The following UGT1A8 variants were observed in gnomAD, a reference collection of about 807,000 sequenced individuals.
The protein encoded by UGT1A8 is UDP glucuronosyltransferase family 1 member A8, also known as UDP-glucuronosyltransferase 1A8.
A neutral mutation model predicts 45.3 loss-of-function variants in UGT1A8; 39 were observed. That is an observed-to-expected ratio of 0.86 (90% confidence interval 0.67 to 1.12). The LOEUF is 1.12. UGT1A8 is among the 50% of genes most tolerant of loss of function. The pLI, the probability that UGT1A8 is intolerant of heterozygous loss-of-function variation, is 0.00. For missense variants in UGT1A8, 719 were observed against 664.9 expected (o/e 1.08, Z -0.90); for synonymous variants, 275 against 249.2 (o/e 1.10, Z -0.97).
intron 1 of UGT1A8, among the ~76,000 whole-genome samples, chr2:233,761,829 G>C (rs1171169931): frequency 6.6e-6 from 1 of 152,178 alleles, no homozygotes; most frequent in Non-Finnish European, 1.5e-5. Context: ...CCTTCAGATG[G>C]AGCGTTAGGG....
intron 1 of UGT1A8, chr2:233,752,519 T>C (rs1480791131): frequency 6.6e-6 from 1 of 152,208 alleles, no homozygotes; most frequent in East Asian, 1.9e-4. Context: ...ATTTTTCAAT[T>C]CTAAAAATTC....
intron 1 of UGT1A8, among the ~76,000 whole-genome samples, chr2:233,687,294 AG>A (rs1476056619): frequency 6.6e-6 from 1 of 152,206 alleles, no homozygotes; most frequent in African/African-American, 2.4e-5. Context: ...CAACATGGTG[AG>A]ATATCAATGT....
chr2:233,725,118 G>C (rs1450437592), intron 1 of UGT1A8, among the ~76,000 whole-genome samples: 1 of 140,180 alleles, frequency 7.1e-6, no homozygotes, highest in Non-Finnish European at 1.5e-5. Context: ...GGAGGTTGCA[G>C]TGAGCCGAGA....
chr2:233,660,386 T>C (rs751395692), intron 1 of UGT1A8, among the ~76,000 whole-genome samples: 2 of 152,194 alleles, frequency 1.3e-5, no homozygotes, highest in African/African-American at 2.4e-5. Context: ...TCCTTTTGTG[T>C]TGAATTCATG....
At chr2:233,756,915 T>C (rs571435889) in intron 1 of UGT1A8, among the ~76,000 whole-genome samples, 1 of 152,112 alleles carries the variant, frequency 6.6e-6, no homozygotes, top group East Asian at 1.9e-4. Context: ...ACTTCTGAGT[T>C]TATATAACCT....
At position 233,772,978 on chromosome 2, in the gene UGT1A8, T is replaced by C. The variant is rs34942353; in HGVS notation, c.*419T>C. On this transcript the variant is annotated 3_prime_UTR_variant, in exon 5 of 5. Coordinates refer to ENST00000373450, the MANE Select transcript of UGT1A8 (RefSeq NM_019076.5). ...GTTGCAATTGATCCTTAACCAATAATGGTCAGTCCTCATCTCTGTCGTGCT... is the reference window on the plus strand; with the variant it reads ...GTTGCAATTGATCCTTAACCAATAACGGTCAGTCCTCATCTCTGTCGTGCT... 9.7e-5 allele frequency: 29 copies of C among 299,424 alleles called. No homozygotes were observed. The East Asian group carries it at 2.0e-3, about 21-fold the overall frequency. 18.5% of individuals were successfully genotyped at this position (299,424 alleles called of 1,614,324 possible).
intron 1 of UGT1A8, among the ~76,000 whole-genome samples, chr2:233,715,831 T>C (rs1175914174): frequency 1.3e-5 from 2 of 152,160 alleles, no homozygotes; most frequent in African/African-American, 4.8e-5. Context: ...AAAACATTTT[T>C]TTAAAACTCC....
chr2:233,729,525 T>C (rs763371606), intron 1 of UGT1A8: 3 of 1,614,216 alleles, frequency 1.9e-6, no homozygotes, highest in Non-Finnish European at 2.5e-6. Context: ...AGCTACTACA[T>C]AATGAGGCCC....
At chr2:233,690,685 G>A (rs760063871) in intron 1 of UGT1A8, 25 of 1,255,756 alleles carry the variant, frequency 2.0e-5, no homozygotes, top group South Asian at 1.8e-4. Context: ...GGTCTCCAGC[G>A]GAGCTACTCT....
intron 1 of UGT1A8, chr2:233,718,893 T>C (rs1280624543): frequency 6.2e-7 from 1 of 1,613,958 alleles, no homozygotes; most frequent in East Asian, 2.2e-5. Context: ...TGTCCAGCCC[T>C]GGGCTGAGAG....
chr2:233,617,938 C>G lies in UGT1A8; in HGVS notation c.231C>G (p.Tyr77Ter), dbSNP rs760677046. 6.2e-7 allele frequency: 1 copy of G among 1,614,182 alleles called. No homozygotes were observed. Among genetic ancestry groups the G allele is most frequent in the South Asian group, 1.1e-5 (1 of 91,076 alleles). Residue 77 changes from tyrosine (Y) to a stop codon, truncating the protein, a stop_gained, in exon 1 of 5, where the codon TAC (tyrosine) becomes TAG (stop). Transcript: ENST00000373450. LOFTEE classifies it high-confidence loss of function. ...GKSLNCTVKT[Y>*]STSYTLEDLD... ...CACTGAATTGCACAGTGAAGACTTA[C>G]TCAACCTCATACACTCTGGAGGATC... is the stretch of plus-strand genomic sequence containing the variant.
In UGT1A8 at chr2:233,772,635, A is replaced by G. The variant is rs1700539983; in HGVS notation, c.*76A>G. On this transcript the variant is annotated 3_prime_UTR_variant, in exon 5 of 5. Transcript: ENST00000373450. ...CAAACTTGAAAACAGAATCAGTGTT[A>G]AATTCATTTTATTCTTATTAAGGAA... 19 of 1,555,814 alleles carry G rather than the reference A, an allele frequency of 1.2e-5. No individual in the cohort carries two copies. Among genetic ancestry groups the G allele is most frequent in the Non-Finnish European group, 1.6e-5 (18 of 1,149,838 alleles).
chr2:233,618,511 T>G lies in UGT1A8; in HGVS notation c.804T>G (p.Asn268Lys). The G allele has an allele frequency of 1.2e-6, 2 of 1,613,952 alleles. No individual in the cohort carries two copies. ...ACTATCCCAAACCCGTGATGCCCAA[T>G]ATGATCTTCATTGGTGGTATCAACT... The part of the protein sequence containing the change: ...VLDYPKPVMP[N>K]MIFIGGINCH... The change falls in exon 1 of 5, where the codon AAT (asparagine) becomes AAG (lysine). Residue 268 changes from asparagine to lysine, a missense_variant. Coordinates refer to ENST00000373450, the MANE Select transcript of UGT1A8 (RefSeq NM_019076.5).
intron 1 of UGT1A8, chr2:233,682,356 G>A: frequency 6.2e-7 from 1 of 1,614,100 alleles, no homozygotes; most frequent in Non-Finnish European, 8.5e-7. Context: ...TTAAAGGAGA[G>A]TTGTTTTGAT....
At chr2:233,648,986 T>C (rs1575400365) in intron 1 of UGT1A8, 16 of 1,426,058 alleles carry the variant, frequency 1.1e-5, no homozygotes, top group Non-Finnish European at 1.4e-5. Flanking sequence ...ATGATCTTCA[T>C]TGGTGGTATC....
At position 233,769,704 on chromosome 2, in the gene UGT1A8, T is replaced by A; in HGVS notation, c.1295+1265T>A. 6.6e-7 allele frequency: 1 copy of A among 1,519,548 alleles called. No homozygotes were observed. Among genetic ancestry groups the A allele is most frequent in the Non-Finnish European group, 8.8e-7 (1 of 1,132,514 alleles). 94.1% of individuals were successfully genotyped at this position (1,519,548 alleles called of 1,614,324 possible). On this transcript the variant is annotated intron_variant, in intron 4 of 4. Transcript: ENST00000373450. This position sits in a 1 kb window ranked among gnomAD's most constrained non-coding sequence, Gnocchi z 4.4. ...GTGGTGGCACTGGATAAAAGATCAA[T>A]GTTGGCTAGGCACCATGGCACACGC... is the stretch of plus-strand genomic sequence containing the variant.
intron 1 of UGT1A8, chr2:233,649,019 T>C (rs2073672703): frequency 7.7e-7 from 1 of 1,295,348 alleles, no homozygotes; most frequent in African/African-American, 1.5e-5. Flanking sequence ...GGAAAGCCAG[T>C]GCCTATGGTA....
intron 1 of UGT1A8, chr2:233,718,078 G>T (rs1030624873): frequency 1.2e-5 from 4 of 342,356 alleles, no homozygotes; most frequent in African/African-American, 4.3e-5. Flanking sequence ...TGCTAGGGTT[G>T]TCTTGCCCAT....
At chr2:233,643,875 G>C (rs536706700) in intron 1 of UGT1A8, among the ~76,000 whole-genome samples, 1 of 152,278 alleles carries the variant, frequency 6.6e-6, no homozygotes, top group South Asian at 2.1e-4. Flanking sequence ...GGGGCCTCAT[G>C]ATTCTGACCA....
Sources: allele counts gnomAD v4.1 joint callset (sites outside exome capture counted in the v4.1 genomes callset), GRCh38; gene constraint gnomAD v4.1.1; non-coding constraint Gnocchi (gnomAD v3.1); transcripts MANE v1.5; gene names NCBI Gene and HGNC (gene_info 2026-07-23, HGNC 2026-07-21).